The following GABRB3 variants were observed in gnomAD, a reference collection of about 807,000 sequenced individuals.
GABRB3 encodes the protein gamma-aminobutyric acid type A receptor subunit beta3, also known as gamma-aminobutyric acid receptor subunit beta-3.
In GABRB3, 14 loss-of-function variants were observed where a neutral mutation model predicts 52.1. The observed-to-expected ratio is 0.27, with a 90% CI of 0.18 to 0.42. GABRB3 has a LOEUF of 0.42. Among genes scored for constraint, GABRB3 ranks in the 10% least tolerant of loss-of-function variants. The probability of loss-of-function intolerance (pLI) is 1.00; values close to 1 mark genes in which losing one functional copy is unlikely to be tolerated. For missense variants in GABRB3, 307 were observed against 609.1 expected, an observed-to-expected ratio of 0.50 and a Z score of 5.22; for synonymous variants, 260 against 232.3, an observed-to-expected ratio of 1.12 and a Z score of -1.08.
chr15:26,547,540 T>C lies in GABRB3; in HGVS notation c.*253A>G. The C allele has an allele frequency of 3.5e-6, 2 of 577,538 alleles. No individual in the cohort carries two copies. The highest frequency in any genetic ancestry group is 2.8e-5 in the East Asian group (1 of 35,858). The allele number at this position is 577,538 out of a possible 1,614,324, so 35.8% of individuals were successfully genotyped here. ...AAATTGTCCATAGCTGCAAAATGTA[T>C]ATATGTATGTGTATTTGTCTTCCAT... On this transcript the variant is annotated 3_prime_UTR_variant, in exon 9 of 9. Transcript: ENST00000311550.
At chr15:26,576,728 G>C (rs1890607567) in intron 6 of GABRB3, among the ~76,000 whole-genome samples, 1 of 152,132 alleles carries the variant, frequency 6.6e-6, no homozygotes, top group South Asian at 2.1e-4. Flanking sequence ...GAACATCCAA[G>C]ACTCAGGGGA....
At chr15:26,599,678 G>A (rs1487712722) in intron 4 of GABRB3, among the ~76,000 whole-genome samples, 2 of 152,206 alleles carry the variant, frequency 1.3e-5, no homozygotes, top group Non-Finnish European at 2.9e-5. Flanking sequence ...CAGAATCACA[G>A]GCTAGAAGGC....
intron 3 of GABRB3, among the ~76,000 whole-genome samples, chr15:26,646,471 A>G (rs1887011908): frequency 6.6e-6 from 1 of 152,224 alleles, no homozygotes. Flanking sequence ...GTTAGTGAGC[A>G]TGTGGGTTAT....
intron 3 of GABRB3, among the ~76,000 whole-genome samples, chr15:26,668,347 A>G (rs936514148): frequency 1.4e-4 from 22 of 152,346 alleles, no homozygotes; most frequent in South Asian, 1.2e-3. Context: ...ACAAGATTTG[A>G]TACTATGATT....
At position 26,621,807 on chromosome 15, in the gene GABRB3, A is replaced by G. The variant is rs112553106; in HGVS notation, c.241-273T>C. ...GACTAGACAAACTGGCATTTAACAGATAACAGCATAGAAATAAACGGGAAA... is the reference window on the plus strand; with the variant it reads ...GACTAGACAAACTGGCATTTAACAGGTAACAGCATAGAAATAAACGGGAAA... On this transcript the variant is annotated intron_variant, in intron 3 of 8. Transcript: ENST00000311550. The surrounding 1 kb of genome is among the most constrained non-coding windows in gnomAD (Gnocchi z 4.1). Among the ~76,000 whole-genome samples, 6 of 152,332 alleles carry G rather than the reference A, an allele frequency of 3.9e-5. 1 individual carries two copies. The South Asian group carries it at 6.2e-4, about 16-fold the overall frequency.
At chr15:26,578,336 G>A (rs1890667793) in intron 6 of GABRB3, among the ~76,000 whole-genome samples, 1 of 152,116 alleles carries the variant, frequency 6.6e-6, no homozygotes, top group Non-Finnish European at 1.5e-5. Context: ...GAGCTCTTGC[G>A]CTACACCCAA....
At chr15:26,663,175 C>A (rs1262488483) in intron 3 of GABRB3, among the ~76,000 whole-genome samples, 1 of 152,128 alleles carries the variant, frequency 6.6e-6, no homozygotes, top group East Asian at 1.9e-4. Context: ...GACAGGCCTG[C>A]CTCGTGACCC....
chr15:26,609,691 GTTATTT>G (rs1891992541), intron 4 of GABRB3, among the ~76,000 whole-genome samples: 1 of 152,098 alleles, frequency 6.6e-6, no homozygotes, highest in Admixed American at 6.5e-5. Flanking sequence ...GGAAGAATAT[GTTATTT>G]TTAAGTTCTA....
At chr15:26,702,865 C>T (rs1159397947) in intron 3 of GABRB3, among the ~76,000 whole-genome samples, 1 of 152,158 alleles carries the variant, frequency 6.6e-6, no homozygotes, top group East Asian at 1.9e-4. Context: ...CCATAAATAC[C>T]ATCTCTCAAA....
At chr15:26,720,891 A>T (rs1889625847) in intron 3 of GABRB3, among the ~76,000 whole-genome samples, 1 of 152,086 alleles carries the variant, frequency 6.6e-6, no homozygotes. Flanking sequence ...TGTTTATTTT[A>T]TCAGAAAAGT....
intron 3 of GABRB3, among the ~76,000 whole-genome samples, chr15:26,639,976 A>G (rs1045411308): frequency 1.3e-5 from 2 of 152,228 alleles, no homozygotes; most frequent in Admixed American, 1.3e-4. Context: ...AAAAATCGCC[A>G]TATTTTGGTT....
intron 4 of GABRB3, among the ~76,000 whole-genome samples, chr15:26,610,820 G>T (rs1305536903): frequency 6.6e-6 from 1 of 152,174 alleles, no homozygotes; most frequent in Non-Finnish European, 1.5e-5. Context: ...CAAAGTAAAA[G>T]ATGAAAATAG....
chr15:26,716,677 A>G, intron 3 of GABRB3: 1 of 1,010,244 alleles, frequency 9.9e-7, no homozygotes, highest in Non-Finnish European at 1.2e-6. Context: ...TTTCTTTAAG[A>G]ATCATCCAAT....
At chr15:26,704,456 G>A (rs1342172024) in intron 3 of GABRB3, among the ~76,000 whole-genome samples, 2 of 152,126 alleles carry the variant, frequency 1.3e-5, no homozygotes, top group Non-Finnish European at 2.9e-5. Flanking sequence ...TAATCTCCTT[G>A]CCAAACAGTC....
At chr15:26,593,937 C>T (rs1891298403) in intron 4 of GABRB3, among the ~76,000 whole-genome samples, 1 of 146,528 alleles carries the variant, frequency 6.8e-6, no homozygotes, top group South Asian at 2.2e-4. Context: ...CCCTAAGTGC[C>T]TATTTTTTCT....
At chr15:26,698,854 G>A (rs916453821) in intron 3 of GABRB3, among the ~76,000 whole-genome samples, 3 of 152,232 alleles carry the variant, frequency 2.0e-5, no homozygotes, top group Admixed American at 6.5e-5. Context: ...AAAGAAAGCC[G>A]ATATAGTAAA....
At chr15:26,592,802 C>T (rs975606394) in intron 4 of GABRB3, among the ~76,000 whole-genome samples, 1 of 152,142 alleles carries the variant, frequency 6.6e-6, no homozygotes, top group African/African-American at 2.4e-5. Flanking sequence ...ATCACAAGGT[C>T]AGGAGTTTGA....
chr15:26,758,391 G>A (rs555803887), intron 3 of GABRB3, among the ~76,000 whole-genome samples: 12 of 152,168 alleles, frequency 7.9e-5, no homozygotes, highest in Non-Finnish European at 1.8e-4. Flanking sequence ...GGATGTTGGA[G>A]AAGAGAATTT....
intron 4 of GABRB3, among the ~76,000 whole-genome samples, chr15:26,597,773 A>AGAGT (rs748883782): frequency 2.0e-5 from 3 of 152,390 alleles, no homozygotes; most frequent in East Asian, 3.9e-4. Context: ...TTTCCAAGTC[A>AGAGT]GAGTATGAAG....
Sources: allele counts gnomAD v4.1 joint callset (sites outside exome capture counted in the v4.1 genomes callset), GRCh38; gene constraint gnomAD v4.1.1; non-coding constraint Gnocchi (gnomAD v3.1); transcripts MANE v1.5; gene names NCBI Gene and HGNC (gene_info 2026-07-23, HGNC 2026-07-21).